ZNF449: variants seen among roughly 807,000 people sequenced by gnomAD.
ZNF449 encodes the protein zinc finger protein 449, also known as zinc finger and SCAN domain-containing protein 19.
Under a neutral mutation model 32.6 loss-of-function variants are expected in ZNF449, and 4 were observed. That is an observed-to-expected ratio of 0.12 (90% CI 0.06 to 0.28). The LOEUF (loss-of-function observed/expected upper bound fraction) is 0.28. Ranked by LOEUF, ZNF449 falls within the 10% of genes least tolerant of loss-of-function variation. The probability of loss-of-function intolerance (pLI) is 1.00; values close to 1 mark genes in which losing one functional copy is unlikely to be tolerated. For synonymous variants in ZNF449, 123 were observed against 132.2 expected (o/e 0.93, Z 0.48); for missense variants, 275 against 383.2 (o/e 0.72, Z 2.36).
At position 135,360,792 on chromosome X, in the gene ZNF449, C is replaced by A; in HGVS notation, c.1273C>A (p.His425Asn). 8.3e-7 allele frequency: 1 copy of A among 1,211,397 alleles called. No individual in the cohort carries two copies. The highest frequency in any genetic ancestry group is 1.1e-6 in the Non-Finnish European group (1 of 895,348). ...TTGTCATGGATCAAGTCTTAAAAGA[C>A]ATCTGAAAACTCATACAGGTGAAAA... Reference protein sequence around the residue: ...SFCHGSSLKRHLKTHTGEKPH... With the variant: ...SFCHGSSLKRNLKTHTGEKPH... The change falls in exon 5 of 5, where the codon CAT becomes AAT. Residue 425 changes from histidine to asparagine, a missense_variant. Coordinates refer to ENST00000339249, the MANE Select transcript of ZNF449 (RefSeq NM_152695.6).
intron 3 of ZNF449, among the ~76,000 whole-genome samples, chrX:135,350,333 C>T (rs1046208058): frequency 1.6e-4 from 18 of 111,736 alleles, no homozygotes; most frequent in African/African-American, 5.5e-4. Context: ...TCTTCTACCC[C>T]TCACATTAAA....
At chrX:135,353,267 C>G (rs1255161134) in intron 3 of ZNF449, among the ~76,000 whole-genome samples, 1 of 111,324 alleles carries the variant, frequency 9.0e-6, no homozygotes, top group Non-Finnish European at 1.9e-5. Context: ...ATATTCTGTT[C>G]ATTAGAAGAG....
chrX:135,349,088 A>G, intron 2 of ZNF449, 22 bp from the exon 3 acceptor site: 1 of 1,208,424 alleles, frequency 8.3e-7, no homozygotes, highest in Non-Finnish European at 1.1e-6. Flanking sequence ...CTTGAGAGTG[A>G]TGGTTCTGGC....
intron 1 of ZNF449, 77 bp downstream of exon 1, chrX:135,344,912 C>T (rs2084830681): frequency 8.8e-6 from 1 of 113,117 alleles, no homozygotes; most frequent in Non-Finnish European, 1.9e-5. Flanking sequence ...TTTCCGTGGC[C>T]GGGGCCATGC....
chrX:135,363,236 T>C lies in ZNF449; in HGVS notation c.*2160T>C, dbSNP rs1263978284. ...ACAAGCATGGCAATTGACTCTGTCC[T>C]CATCCCAAGTTGGAATCGCTTTTCT... On this transcript the variant is annotated 3_prime_UTR_variant, in exon 5 of 5. Coordinates refer to ENST00000339249, the MANE Select transcript of ZNF449 (RefSeq NM_152695.6). The C allele has an allele frequency of 1.2e-4, 14 of 112,459 alleles. No homozygotes were observed. Among genetic ancestry groups the C allele is most frequent in the African/African-American group, 4.5e-4 (14 of 30,963 alleles). 9.3% of individuals were successfully genotyped at this position (112,459 alleles called of 1,213,427 possible).
intron 3 of ZNF449, among the ~76,000 whole-genome samples, chrX:135,351,676 A>C (rs868952627): frequency 9.3e-6 from 1 of 106,999 alleles, no homozygotes; most frequent in Non-Finnish European, 1.9e-5. Context: ...AAAAAAAAAA[A>C]AAAAAAAAAC....
chrX:135,348,346 AGTGG>A (rs2084863037), intron 2 of ZNF449: 1 of 125,043 alleles, frequency 8.0e-6, no homozygotes, highest in Non-Finnish European at 1.8e-5. Context: ...TGAATGTTTG[AGTGG>A]GACATTCCAC....
chrX:135,346,912 T>TA (rs1419772238), intron 1 of ZNF449, 107 bp from the exon 2 acceptor site: 2 of 347,433 alleles, frequency 5.8e-6, no homozygotes, highest in Non-Finnish European at 9.9e-6. Flanking sequence ...AGGTCTTTGG[T>TA]AAAAAAGAAG....
chrX:135,361,420 A>G lies in ZNF449; in HGVS notation c.*344A>G, dbSNP rs181623525. 90 of 151,135 alleles carry G rather than the reference A, an allele frequency of 6.0e-4. No homozygotes were observed. The highest frequency in any genetic ancestry group is 2.7e-3 in the African/African-American group (87 of 32,322). The allele number at this position is 151,135 out of a possible 1,213,427, so 12.5% of individuals were successfully genotyped here. A position where few individuals can be genotyped will look rare whatever the true frequency, so the allele number is the denominator to read the frequency against. Reference sequence around the variant, plus strand: ...GAGGTAGGGTCAATATAGTGGATAAACCTGTCTATCAGACGTATTGATTAT... The same window carrying G: ...GAGGTAGGGTCAATATAGTGGATAAGCCTGTCTATCAGACGTATTGATTAT... On this transcript the variant is annotated 3_prime_UTR_variant, in exon 5 of 5. Coordinates refer to ENST00000339249, the MANE Select transcript of ZNF449 (RefSeq NM_152695.6).
At chrX:135,357,641 T>C (rs888946472) in intron 3 of ZNF449, among the ~76,000 whole-genome samples, 1 of 111,628 alleles carries the variant, frequency 9.0e-6, no homozygotes, top group Non-Finnish European at 1.9e-5. Context: ...TTGAGTTTTG[T>C]TTTATATATT....
intron 3 of ZNF449, among the ~76,000 whole-genome samples, chrX:135,351,563 A>G (rs1480973360): frequency 9.4e-6 from 1 of 106,748 alleles, no homozygotes; most frequent in Non-Finnish European, 1.9e-5. Flanking sequence ...GGAAAACTTT[A>G]CAAGTATGCA....
At chrX:135,344,889 G>T (rs1452835013) in intron 1 of ZNF449, 54 bp downstream of exon 1, 6 of 113,406 alleles carry the variant, frequency 5.3e-5, no homozygotes, top group African/African-American at 1.9e-4. Flanking sequence ...GCGGGCGCGG[G>T]TAGCGGGGCT....
intron 3 of ZNF449, among the ~76,000 whole-genome samples, chrX:135,353,734 A>G (rs781989799): frequency 6.2e-5 from 7 of 112,020 alleles, no homozygotes; most frequent in African/African-American, 2.3e-4. Context: ...ATATGTGTGT[A>G]CAATGTGTAA....
At chrX:135,356,858 ATGAACTAAGACAG>A (rs2084920803) in intron 3 of ZNF449, among the ~76,000 whole-genome samples, 2 of 111,796 alleles carry the variant, frequency 1.8e-5, no homozygotes, top group Admixed American at 9.5e-5. Flanking sequence ...AGCAACACAA[ATGAACTAAGACAG>A]TGTGGTACTT....
At chrX:135,352,685 T>A (rs1210692937) in intron 3 of ZNF449, among the ~76,000 whole-genome samples, 1 of 112,273 alleles carries the variant, frequency 8.9e-6, no homozygotes, top group Non-Finnish European at 1.9e-5. Context: ...AAACAAATGC[T>A]GTCTAGAAAG....
rs1393808713 is a variant in ZNF449 at position 135,357,396 on chromosome X, A to G, written c.560-2496A>G. Among the ~76,000 whole-genome samples, 37 of 111,584 alleles carry G rather than the reference A, an allele frequency of 3.3e-4. 1 individual carries two copies. The highest frequency in any genetic ancestry group is 1.1e-4 in the Non-Finnish European group (6 of 52,843). On this transcript the variant is annotated intron_variant, in intron 3 of 4. Transcript: ENST00000339249. ...CTCAGCATTATTTGTTGAAAAGGCTATTCTTTTTATATTGAATATCCTTGA... is the reference window on the plus strand; with the variant it reads ...CTCAGCATTATTTGTTGAAAAGGCTGTTCTTTTTATATTGAATATCCTTGA...
chrX:135,347,483 A>G lies in ZNF449; in HGVS notation c.354+11A>G. On this transcript the variant is annotated intron_variant, in intron 2 of 4. Transcript: ENST00000339249. ...ATACCAGAGCAGCAGGTAAGAAAAG[A>G]ATGTGGGATCTTTGTGATTGGTCCA... 2 of 1,211,127 alleles carry G rather than the reference A, an allele frequency of 1.7e-6. No individual in the cohort carries two copies.
At chrX:135,357,102 A>G (rs181463196) in intron 3 of ZNF449, among the ~76,000 whole-genome samples, 24 of 111,804 alleles carry the variant, frequency 2.1e-4, no homozygotes, top group Admixed American at 2.1e-3. Flanking sequence ...CACTTTCTTG[A>G]TAGTGTCCTT....
intron 2 of ZNF449, 144 bp from the exon 3 acceptor site, chrX:135,348,966 G>A (rs2084867003): frequency 8.8e-6 from 8 of 910,736 alleles, no homozygotes; most frequent in African/African-American, 5.9e-5. Context: ...TAAGTAACAC[G>A]TACTATTAAG....
Sources: gnomAD v4.1 joint callset for allele counts (sites outside exome capture counted in the v4.1 genomes callset) on GRCh38, gnomAD v4.1.1 for gene constraint, MANE v1.5 for transcripts, NCBI Gene and HGNC (gene_info 2026-07-23, HGNC 2026-07-21) for gene names.